The following ADGRL3 variants were observed in gnomAD, a reference collection of about 807,000 sequenced individuals.
The protein encoded by ADGRL3 is calcium-independent alpha-latrotoxin receptor 3.
A neutral mutation model predicts 153.5 loss-of-function variants in ADGRL3; 62 were observed. The observed-to-expected ratio is 0.40, with a 90% CI of 0.33 to 0.50. The LOEUF (loss-of-function observed/expected upper bound fraction) is 0.50, where lower values mean the gene tolerates loss of function less well. Ranked by LOEUF, ADGRL3 falls within the 20% of genes least tolerant of loss-of-function variation. ADGRL3 has a pLI of 0.47. For missense variants in ADGRL3, 1,641 were observed against 1,859.4 expected (o/e 0.88, Z 2.16); for synonymous variants, 710 against 672.5 (o/e 1.06, Z -0.86).
At chr4:61,685,546 A>G (rs1178903685) in intron 6 of ADGRL3, among the ~76,000 whole-genome samples, 1 of 152,130 alleles carries the variant, frequency 6.6e-6, no homozygotes, top group South Asian at 2.1e-4. Flanking sequence ...TGAGAACGAG[A>G]TAGGCCAAGA....
intron 21 of ADGRL3, among the ~76,000 whole-genome samples, chr4:62,002,814 G>A (rs1190023328): frequency 6.6e-6 from 1 of 151,950 alleles, no homozygotes; most frequent in African/African-American, 2.4e-5. Context: ...AATAATCATA[G>A]CAAAACTCTA....
At chr4:61,572,274 G>C (rs1305165712) in intron 4 of ADGRL3, among the ~76,000 whole-genome samples, 3 of 152,024 alleles carry the variant, frequency 2.0e-5, no homozygotes, top group Non-Finnish European at 4.4e-5. Flanking sequence ...GTTCCTCTAT[G>C]GAAACTGATC....
rs372248940 is a variant in ADGRL3, at chr4:61,859,270, T to C, written c.1481-33386T>C. Among the ~76,000 whole-genome samples the C allele has an allele frequency of 2.0e-5, 3 of 152,296 alleles. No individual in the cohort carries two copies. In the South Asian group the frequency reaches 6.2e-4, roughly 32 times the overall value. On this transcript the variant is annotated intron_variant, in intron 9 of 26. Transcript: ENST00000683033. ...TCATTTAAAACCTGAAGTTGTGGGC[T>C]GTTTTGTTTTTTCTACATATTAATT...
At chr4:61,214,787 A>T (rs900962839) in intron 1 of ADGRL3, among the ~76,000 whole-genome samples, 26 of 152,140 alleles carry the variant, frequency 1.7e-4, no homozygotes, top group African/African-American at 5.5e-4. Context: ...ATAATTAAAA[A>T]ATTAAGCAGG....
chr4:61,329,664 T>C (rs1271694570), intron 1 of ADGRL3, among the ~76,000 whole-genome samples: 2 of 152,100 alleles, frequency 1.3e-5, no homozygotes, highest in African/African-American at 4.8e-5. Flanking sequence ...TGTTTTTTAC[T>C]CAACAGTATG....
intron 8 of ADGRL3, among the ~76,000 whole-genome samples, chr4:61,785,014 A>G (rs940110812): frequency 1.1e-4 from 16 of 152,184 alleles, no homozygotes; most frequent in Admixed American, 2.6e-4. Context: ...ACTTAAAACA[A>G]TGAATGACAT....
chr4:61,329,257 T>C (rs1167889181), intron 1 of ADGRL3, among the ~76,000 whole-genome samples: 1 of 152,200 alleles, frequency 6.6e-6, no homozygotes, highest in South Asian at 2.1e-4. Context: ...GATTTATAAT[T>C]GAAAAAAGAT....
chr4:61,800,601 G>C (rs1580888392), intron 8 of ADGRL3, among the ~76,000 whole-genome samples: 1 of 152,158 alleles, frequency 6.6e-6, no homozygotes, highest in African/African-American at 2.4e-5. Flanking sequence ...CTGGCGAGTT[G>C]TTTTGATAGG....
chr4:61,745,608 T>G (rs896135135), intron 8 of ADGRL3, among the ~76,000 whole-genome samples: 1 of 152,106 alleles, frequency 6.6e-6, no homozygotes, highest in African/African-American at 2.4e-5. Context: ...CCAGCCAAAC[T>G]AAGCTTCATA....
intron 4 of ADGRL3, among the ~76,000 whole-genome samples, chr4:61,521,882 A>G (rs2098533311): frequency 6.6e-6 from 1 of 152,146 alleles, no homozygotes; most frequent in African/African-American, 2.4e-5. Flanking sequence ...TAACTTAAAT[A>G]CAATATACAA....
At chr4:61,356,080 C>T (rs1361927800) in intron 1 of ADGRL3, among the ~76,000 whole-genome samples, 3 of 152,010 alleles carry the variant, frequency 2.0e-5, no homozygotes, top group African/African-American at 7.2e-5. Flanking sequence ...GAAGATGATA[C>T]AAATTTGACT....
chr4:61,225,582 G>C (rs1747572765), intron 1 of ADGRL3, among the ~76,000 whole-genome samples: 1 of 152,090 alleles, frequency 6.6e-6, no homozygotes. Context: ...CAATACCATA[G>C]TCAAGATGTA....
intron 8 of ADGRL3, among the ~76,000 whole-genome samples, chr4:61,788,169 C>T (rs534653908): frequency 7.2e-5 from 11 of 152,314 alleles, no homozygotes; most frequent in African/African-American, 2.4e-4. Flanking sequence ...CCGCCTGTAA[C>T]ATCCTGGCTA....
chr4:61,605,994 T>C (rs1041693830), intron 5 of ADGRL3, among the ~76,000 whole-genome samples: 11 of 152,058 alleles, frequency 7.2e-5, no homozygotes, highest in Admixed American at 6.6e-5. Flanking sequence ...ATACTTTACA[T>C]AAAATATGGT....
At chr4:61,676,992 C>A in intron 6 of ADGRL3, 57 bp downstream of exon 6, 1 of 1,033,020 alleles carries the variant, frequency 9.7e-7, no homozygotes, top group Admixed American at 1.9e-5. Flanking sequence ...CTGTGTTTTG[C>A]ATGCATTGAC....
At chr4:61,750,449 G>T (rs1175994539) in intron 8 of ADGRL3, among the ~76,000 whole-genome samples, 1 of 152,084 alleles carries the variant, frequency 6.6e-6, no homozygotes, top group Non-Finnish European at 1.5e-5. Context: ...AAGAATACAG[G>T]TGCCACAACT....
At chr4:61,652,988 T>A (rs1003579659) in intron 5 of ADGRL3, among the ~76,000 whole-genome samples, 1 of 152,052 alleles carries the variant, frequency 6.6e-6, no homozygotes, top group African/African-American at 2.4e-5. Context: ...CATATTGATA[T>A]GTTGAAACAC....
intron 1 of ADGRL3, among the ~76,000 whole-genome samples, chr4:61,366,973 CTTTG>C (rs1306152482): frequency 4.6e-5 from 7 of 152,054 alleles, no homozygotes; most frequent in Non-Finnish European, 8.8e-5. Flanking sequence ...GTGGCTCTTT[CTTTG>C]TTTATTAGAT....
chr4:61,769,338 AAG>A (rs2097052180), intron 8 of ADGRL3, among the ~76,000 whole-genome samples: 1 of 151,990 alleles, frequency 6.6e-6, no homozygotes, highest in Admixed American at 6.6e-5. Flanking sequence ...TGAAAGGAGA[AAG>A]AGGTTGAGGG....
Sources: gnomAD v4.1 joint callset for allele counts (sites outside exome capture counted in the v4.1 genomes callset) on GRCh38, gnomAD v4.1.1 for gene constraint, MANE v1.5 for transcripts, NCBI Gene and HGNC (gene_info 2026-07-23, HGNC 2026-07-21) for gene names.